Variants in ACVR2A observed in about 807,000 individuals in gnomAD.
ACVR2A encodes activin receptor type-2A.
ACVR2A carries 7 observed loss-of-function variants against 61.4 expected under a neutral mutation model. The ratio of observed to expected loss-of-function variants is 0.11; its 90% CI spans 0.06 to 0.21. The LOEUF (loss-of-function observed/expected upper bound fraction) is 0.21, where lower values mean the gene tolerates loss of function less well. Ranked by LOEUF, ACVR2A falls within the 10% of genes least tolerant of loss-of-function variation. The pLI is 1.00. For synonymous variants in ACVR2A, 193 were observed against 208.3 expected (o/e 0.93, Z 0.63); for missense variants, 322 against 621.7 (o/e 0.52, Z 5.13).
intron 1 of ACVR2A, among the ~76,000 whole-genome samples, chr2:147,854,372 G>T (rs1685518973): frequency 6.6e-6 from 1 of 152,108 alleles, no homozygotes; most frequent in Non-Finnish European, 1.5e-5. Context: ...AACTTTTTAA[G>T]TGTTTTAAAA....
chr2:147,916,078 G>A (rs1687243165), intron 5 of ACVR2A, among the ~76,000 whole-genome samples: 2 of 151,814 alleles, frequency 1.3e-5, no homozygotes, highest in African/African-American at 4.8e-5. Flanking sequence ...TTTTTCCAAA[G>A]TTATCATATA....
At chr2:147,918,311 C>A in intron 6 of ACVR2A, 136 bp from the exon 7 acceptor site, 1 of 675,560 alleles carries the variant, frequency 1.5e-6, no homozygotes, top group Non-Finnish European at 2.3e-6. Flanking sequence ...TTGAACCATT[C>A]CAGAAAGATT....
intron 1 of ACVR2A, among the ~76,000 whole-genome samples, chr2:147,880,971 TA>T (rs1686284386): frequency 6.6e-6 from 1 of 152,198 alleles, no homozygotes. Flanking sequence ...CCTCTTTGTT[TA>T]ATGGAAATCT....
chr2:147,881,821 A>G (rs1319178323), intron 1 of ACVR2A, among the ~76,000 whole-genome samples: 6 of 152,128 alleles, frequency 3.9e-5, no homozygotes, highest in Non-Finnish European at 7.4e-5. Context: ...TTCAATTACT[A>G]AACTAAGTAA....
intron 1 of ACVR2A, among the ~76,000 whole-genome samples, chr2:147,871,938 G>GT (rs1167862414): frequency 6.6e-6 from 1 of 152,044 alleles, no homozygotes; most frequent in African/African-American, 2.4e-5. Context: ...TTTGGCATGA[G>GT]TAGGAGAAAA....
At chr2:147,925,731 C>T (rs866711987) in intron 9 of ACVR2A, 1 of 239,554 alleles carries the variant, frequency 4.2e-6, no homozygotes, top group African/African-American at 2.2e-5. Flanking sequence ...TTTACAAATA[C>T]TGATTGTTCC....
chr2:147,866,780 G>A (rs1347758538), intron 1 of ACVR2A, among the ~76,000 whole-genome samples: 1 of 152,186 alleles, frequency 6.6e-6, no homozygotes, highest in Non-Finnish European at 1.5e-5. Flanking sequence ...ATCAAGTTGA[G>A]TTCAAAGTAC....
intron 9 of ACVR2A, among the ~76,000 whole-genome samples, chr2:147,924,421 A>G (rs567761495): frequency 6.6e-6 from 1 of 152,130 alleles, no homozygotes; most frequent in African/African-American, 2.4e-5. Context: ...GTACATAGGT[A>G]TTCAATAAAT....
At position 147,848,471 on chromosome 2, in the gene ACVR2A, A is replaced by G. The variant is rs565291225; in HGVS notation, c.55+3264A>G. Among the ~76,000 whole-genome samples, 3 of 152,238 alleles carry G rather than the reference A, an allele frequency of 2.0e-5. No homozygotes were observed. In the East Asian group the frequency reaches 5.8e-4, roughly 29 times the overall value. ...TTGGGTAGAGGGCAGGGATGCTTCT[A>G]ATCGTCCTAAAATACATGGTACAGC... is the stretch of plus-strand genomic sequence containing the variant. On this transcript the variant is annotated intron_variant, in intron 1 of 10. Coordinates refer to ENST00000241416, the MANE Select transcript of ACVR2A (RefSeq NM_001616.5).
At chr2:147,848,406 G>A (rs966014501) in intron 1 of ACVR2A, among the ~76,000 whole-genome samples, 3 of 152,008 alleles carry the variant, frequency 2.0e-5, no homozygotes, top group African/African-American at 7.3e-5. Context: ...GACATTTTTG[G>A]TTGTCACAAC....
At chr2:147,876,885 G>T (rs1457961391) in intron 1 of ACVR2A, among the ~76,000 whole-genome samples, 2 of 152,144 alleles carry the variant, frequency 1.3e-5, no homozygotes, top group African/African-American at 4.8e-5. Context: ...GTTGTTCCTT[G>T]TGTCCTTTCA....
chr2:147,896,621 T>TAAAAAAAAAA, intron 2 of ACVR2A, 113 bp downstream of exon 2: 1 of 983,258 alleles, frequency 1.0e-6, no homozygotes, highest in South Asian at 1.6e-5. Context: ...TCTTGCTTTT[T>TAAAAAAAAAA]AAAAAATGGG....
chr2:147,887,809 C>T (rs1250689993), intron 1 of ACVR2A, among the ~76,000 whole-genome samples: 1 of 152,086 alleles, frequency 6.6e-6, no homozygotes, highest in Non-Finnish European at 1.5e-5. Flanking sequence ...ATTTAAAAAT[C>T]AGTGAGTAAA....
chr2:147,896,531 A>T (rs1341571173), intron 2 of ACVR2A, 23 bp downstream of exon 2: 2 of 1,609,148 alleles, frequency 1.2e-6, no homozygotes, highest in Non-Finnish European at 1.7e-6. Flanking sequence ...TTAAGATTTT[A>T]TGGTAGTATT....
At chr2:147,866,204 A>G (rs563125364) in intron 1 of ACVR2A, among the ~76,000 whole-genome samples, 18 of 152,336 alleles carry the variant, frequency 1.2e-4, no homozygotes, top group African/African-American at 4.3e-4. Flanking sequence ...AAAGCAGTGT[A>G]TGTAAGGGAA....
At chr2:147,855,576 A>G (rs1685550332) in intron 1 of ACVR2A, among the ~76,000 whole-genome samples, 1 of 152,136 alleles carries the variant, frequency 6.6e-6, no homozygotes, top group South Asian at 2.1e-4. Context: ...ACTCTCCTAG[A>G]TCCCTTCCAG....
At chr2:147,920,929 C>T (rs1353430097) in intron 8 of ACVR2A, among the ~76,000 whole-genome samples, 1 of 152,088 alleles carries the variant, frequency 6.6e-6, no homozygotes, top group African/African-American at 2.4e-5. Flanking sequence ...ATGGGAACCT[C>T]TAGGAAGGCC....
At chr2:147,858,269 A>T (rs1474499207) in intron 1 of ACVR2A, among the ~76,000 whole-genome samples, 1 of 152,180 alleles carries the variant, frequency 6.6e-6, no homozygotes, top group Non-Finnish European at 1.5e-5. Context: ...TATTTTTTTC[A>T]AGGAGTAGAG....
chr2:147,892,936 T>C (rs1686624022), intron 1 of ACVR2A, among the ~76,000 whole-genome samples: 1 of 152,200 alleles, frequency 6.6e-6, no homozygotes, highest in African/African-American at 2.4e-5. Context: ...TGTGCTTTTT[T>C]AGATATGCAA....
Sources: gnomAD v4.1 joint callset for allele counts (sites outside exome capture counted in the v4.1 genomes callset) on GRCh38, gnomAD v4.1.1 for gene constraint, MANE v1.5 for transcripts, NCBI Gene and HGNC (gene_info 2026-07-23, HGNC 2026-07-21) for gene names.